The following MYSM1 variants were observed in gnomAD, a reference collection of about 807,000 sequenced individuals.
The protein encoded by MYSM1 is Myb like, SWIRM and MPN domains 1, also known as deubiquitinase MYSM1.
In MYSM1, 51 loss-of-function variants were observed where a neutral mutation model predicts 116.0. The ratio of observed to expected loss-of-function variants is 0.44; its 90% CI spans 0.35 to 0.56. The LOEUF is 0.56. MYSM1 is among the 20% of genes least tolerant of loss of function. MYSM1 has a pLI of 0.00. For synonymous variants in MYSM1, 313 were observed against 315.2 expected (o/e 0.99, Z 0.07); for missense variants, 900 against 974.9 (o/e 0.92, Z 1.02).
intron 17 of MYSM1, among the ~76,000 whole-genome samples, chr1:58,662,231 A>G (rs1362272717): frequency 6.6e-6 from 1 of 152,120 alleles, no homozygotes; most frequent in East Asian, 1.9e-4. Flanking sequence ...GGTGAACATC[A>G]TATATTCATC....
At position 58,655,298 on chromosome 1, in the gene MYSM1, T is replaced by C. The variant is rs1644305332; in HGVS notation, c.*4699A>G. 1 of 130,248 alleles carries C rather than the reference T, an allele frequency of 7.7e-6. No homozygotes were observed. Among genetic ancestry groups the C allele is most frequent in the African/African-American group, 2.9e-5 (1 of 34,554 alleles). The allele number at this position is 130,248 out of a possible 1,614,324, so 8.1% of individuals were successfully genotyped here. On this transcript the variant is annotated 3_prime_UTR_variant, in exon 20 of 20. Transcript: ENST00000472487. ...TGACTTCTTAAGAGACGAGGAAATG[T>C]CAAAAATAGCAAATCAGGCATTTTT...
chr1:58,680,765 G>A (rs1432718592), intron 8 of MYSM1, among the ~76,000 whole-genome samples: 2 of 152,032 alleles, frequency 1.3e-5, no homozygotes, highest in East Asian at 1.9e-4. Context: ...CTGTAAAGAT[G>A]GCCCTATACA....
At chr1:58,698,298 C>T (rs1237970833) in intron 1 of MYSM1, among the ~76,000 whole-genome samples, 1 of 150,296 alleles carries the variant, frequency 6.7e-6, no homozygotes, top group Non-Finnish European at 1.5e-5. Context: ...GATGGGGTTT[C>T]ACCGTGTTAG....
Position 58,659,970 on chromosome 1 carries a change from G to C in MYSM1, c.*27C>G. On this transcript the variant is annotated 3_prime_UTR_variant, in exon 20 of 20. Transcript: ENST00000472487. ...TTGAAAGTAAGATCTACTGTGTCAA[G>C]ATTAAAATGTCTTAACTTTAAAATA... The C allele has an allele frequency of 1.5e-6, 2 of 1,378,642 alleles. No individual in the cohort carries two copies. Among genetic ancestry groups the C allele is most frequent in the Non-Finnish European group, 1.9e-6 (2 of 1,032,194 alleles). The allele number at this position is 1,378,642 out of a possible 1,614,324, so 85.4% of individuals were successfully genotyped here. A position where few individuals can be genotyped will look rare whatever the true frequency, so the allele number is the denominator to read the frequency against.
rs1644335935 is a variant in MYSM1, at chr1:58,657,617, ACT to A, written c.*2378_*2379del. 6.6e-6 allele frequency: 1 copy of A among 152,194 alleles called. No individual in the cohort carries two copies. Among genetic ancestry groups the A allele is most frequent in the East Asian group, 1.9e-4 (1 of 5,200 alleles). 9.4% of individuals were successfully genotyped at this position (152,194 alleles called of 1,614,324 possible). A position where few individuals can be genotyped will look rare whatever the true frequency, so the allele number is the denominator to read the frequency against. The stretch of plus-strand genomic sequence containing the variant: ...ACCAAGTTTAACATACTAAAATTAT[ACT>A]GTCAAAAAAATGGGGAAGGATTTAT... On this transcript the variant is annotated 3_prime_UTR_variant, in exon 20 of 20. Coordinates refer to ENST00000472487, the MANE Select transcript of MYSM1 (RefSeq NM_001085487.3).
chr1:58,692,389 G>T (rs1644916609), intron 3 of MYSM1: 1 of 152,300 alleles, frequency 6.6e-6, no homozygotes, highest in South Asian at 2.1e-4. Flanking sequence ...ATCCACAAAT[G>T]TAGGGAAAAC....
At chr1:58,673,500 T>C (rs1307201895) in intron 11 of MYSM1, 73 bp downstream of exon 11, 3 of 1,196,012 alleles carry the variant, frequency 2.5e-6, no homozygotes, top group Non-Finnish European at 3.7e-6. Context: ...ACAATACATA[T>C]GACATTAAGA....
chr1:58,664,653 AAATT>A (rs1159617738), intron 17 of MYSM1, among the ~76,000 whole-genome samples: 1 of 152,192 alleles, frequency 6.6e-6, no homozygotes, highest in African/African-American at 2.4e-5. Flanking sequence ...GAATGAAGAG[AAATT>A]AATTATTAAA....
intron 8 of MYSM1, 148 bp downstream of exon 8, chr1:58,681,637 C>T (rs1358690109): frequency 1.2e-6 from 1 of 832,150 alleles, no homozygotes; most frequent in Non-Finnish European, 1.8e-6. Context: ...TTTACCAAAG[C>T]TTTTTTTCAT....
At position 58,677,724 on chromosome 1, in the gene MYSM1, A is replaced by G. The variant is rs542618913; in HGVS notation, c.1260-668T>C. ...TGGTACAACATAAAATTCGAGTAAT[A>G]AAGAACTTAGTAGAAACTAATTACT... On this transcript the variant is annotated intron_variant, in intron 8 of 19. Transcript: ENST00000472487. Among the ~76,000 whole-genome samples the G allele has an allele frequency of 2.6e-5, 4 of 152,262 alleles. No homozygotes were observed. The East Asian group carries it at 7.7e-4, about 29-fold the overall frequency.
intron 1 of MYSM1, among the ~76,000 whole-genome samples, chr1:58,697,614 C>T (rs6656037): frequency 6.7e-6 from 1 of 149,060 alleles, no homozygotes; most frequent in Admixed American, 6.6e-5. Flanking sequence ...TTTGAGATGG[C>T]GTTTTGCTCT....
chr1:58,665,504 G>T lies in MYSM1; in HGVS notation c.2159C>A (p.Ser720Tyr). Residue 720 changes from serine to tyrosine, a missense_variant, in exon 17 of 20, where the codon TCT becomes TAT. This residue lies in a region of MYSM1 where 186 missense variants were observed against 196.2 expected (regional missense o/e 0.95). Transcript: ENST00000472487. ...TATTTTTGTTGAAAACTTACGATAA[G>T]AGCCATCTGGGCTAATTTCCTCACT... ...VISEEISPDG[S>Y]YRLPYKFEVQ... 1 of 1,591,412 alleles carries T rather than the reference G, an allele frequency of 6.3e-7. No homozygotes were observed. Among genetic ancestry groups the T allele is most frequent in the Non-Finnish European group, 8.6e-7 (1 of 1,169,584 alleles).
chr1:58,692,741 T>C (rs753362950), intron 3 of MYSM1, 120 bp downstream of exon 3: 10 of 621,804 alleles, frequency 1.6e-5, no homozygotes, highest in South Asian at 5.2e-5. Context: ...TGAAATTATA[T>C]AATAGCAGTC....
intron 1 of MYSM1, among the ~76,000 whole-genome samples, chr1:58,697,424 A>G (rs1644991509): frequency 6.6e-6 from 1 of 152,102 alleles, no homozygotes; most frequent in South Asian, 2.1e-4. Flanking sequence ...ACACTGGTAA[A>G]ATTTCATATG....
In MYSM1 at chr1:58,658,958, A is replaced by AACACACAT. The variant is rs1553134049; in HGVS notation, c.*1038_*1039insATGTGTGT. The AACACACAT allele has an allele frequency of 7.3e-6, 1 of 137,878 alleles. No homozygotes were observed. The highest frequency in any genetic ancestry group is 2.1e-4 in the East Asian group (1 of 4,680). 8.5% of individuals were successfully genotyped at this position (137,878 alleles called of 1,614,324 possible). A position where few individuals can be genotyped will look rare whatever the true frequency, so the allele number is the denominator to read the frequency against. ...TTTTTATCATTTTAAAGGGCTGTAAAACACACACACACACACACACACACA... is the reference window on the plus strand; with the variant it reads ...TTTTTATCATTTTAAAGGGCTGTAAAACACACATACACACACACACACACACACACACA... On this transcript the variant is annotated 3_prime_UTR_variant, in exon 20 of 20. Transcript: ENST00000472487.
intron 17 of MYSM1, among the ~76,000 whole-genome samples, chr1:58,663,121 A>T (rs1644418697): frequency 6.6e-6 from 1 of 152,168 alleles, no homozygotes; most frequent in Non-Finnish European, 1.5e-5. Flanking sequence ...ATAAGCAATA[A>T]ATGTCAGAGC....
chr1:58,700,009 A>ACCACGTCCCCTTCGATAT lies in MYSM1; in HGVS notation c.26_43dup (p.Asp9_Val14dup), dbSNP rs761654844. On this transcript the variant is annotated inframe_insertion, in exon 1 of 20. Transcript: ENST00000472487. ...CCCTGGCTGTGCCCCCGCCGCCGCT[A>ACCACGTCCCCTTCGATAT]CCACGTCCCCTTCGATATCCACATC... The ACCACGTCCCCTTCGATAT allele has an allele frequency of 2.5e-6, 4 of 1,613,416 alleles. No homozygotes were observed. The African/African-American group carries it at 5.3e-5, about 22-fold the overall frequency.
chr1:58,675,612 A>G (rs1315300567), intron 9 of MYSM1, 32 bp from the exon 10 acceptor site: 2 of 1,557,942 alleles, frequency 1.3e-6, no homozygotes, highest in African/African-American at 2.7e-5. Context: ...AAAACCATCT[A>G]TTATTTTGTG....
intron 6 of MYSM1, 89 bp downstream of exon 6, chr1:58,688,949 A>G: frequency 8.8e-7 from 1 of 1,135,574 alleles, no homozygotes; most frequent in Non-Finnish European, 1.3e-6. Context: ...AAGAAAATTC[A>G]GGTCTCTATA....
Sources: allele counts gnomAD v4.1 joint callset (sites outside exome capture counted in the v4.1 genomes callset), GRCh38; gene constraint gnomAD v4.1.1; regional missense constraint gnomAD v4.1.1; transcripts MANE v1.5; gene names NCBI Gene and HGNC (gene_info 2026-07-23, HGNC 2026-07-21).